The following TBX5 variants were observed in gnomAD, a reference collection of about 807,000 sequenced individuals.
The protein encoded by TBX5 is T-box transcription factor TBX5.
In TBX5, 8 loss-of-function variants were observed where a neutral mutation model predicts 51.1. That is an observed-to-expected ratio of 0.16 (90% CI 0.09 to 0.28). The LOEUF is 0.28. TBX5 is among the 10% of genes least tolerant of loss of function. The pLI, the probability that TBX5 is intolerant of heterozygous loss-of-function variation, is 1.00. For synonymous variants in TBX5, 302 were observed against 266.4 expected (o/e 1.13, Z -1.30); for missense variants, 589 against 671.7 (o/e 0.88, Z 1.36).
chr12:114,405,952 C>T lies in TBX5; in HGVS notation c.-363G>A, dbSNP rs757482684. ...AGTGCCCCGCTCCTCCTTTACACCCCCAGGGAGGGAAAGTTGGAAGCCCAG... is the reference window on the plus strand; with the variant it reads ...AGTGCCCCGCTCCTCCTTTACACCCTCAGGGAGGGAAAGTTGGAAGCCCAG... On this transcript the variant is annotated 5_prime_UTR_variant, in exon 1 of 9. Coordinates refer to ENST00000405440, the MANE Select transcript of TBX5 (RefSeq NM_181486.4). 7.0e-5 allele frequency: 69 copies of T among 985,342 alleles called. No homozygotes were observed. The highest frequency in any genetic ancestry group is 1.0e-3 in the Middle Eastern group (2 of 1,938). The allele number at this position is 985,342 out of a possible 1,614,324, so 61.0% of individuals were successfully genotyped here. A position where few individuals can be genotyped will look rare whatever the true frequency, so the allele number is the denominator to read the frequency against.
intron 7 of TBX5, among the ~76,000 whole-genome samples, chr12:114,379,183 T>C (rs1309666760): frequency 6.6e-6 from 1 of 152,196 alleles, no homozygotes; most frequent in Non-Finnish European, 1.5e-5. Flanking sequence ...AGCTGAGTCC[T>C]TCCAAATAGC....
intron 7 of TBX5, among the ~76,000 whole-genome samples, chr12:114,381,116 T>C (rs1870482148): frequency 6.6e-6 from 1 of 152,208 alleles, no homozygotes; most frequent in African/African-American, 2.4e-5. Flanking sequence ...GAAGACATCA[T>C]CTGCGTTTTC....
chr12:114,391,531 T>C (rs976946307), intron 6 of TBX5, among the ~76,000 whole-genome samples: 11 of 152,228 alleles, frequency 7.2e-5, no homozygotes, highest in Non-Finnish European at 1.2e-4. Flanking sequence ...AATTATCTCA[T>C]TGAATCTTCA....
In TBX5 at chr12:114,355,985, G is replaced by A; in HGVS notation, c.1104C>T (p.Tyr368=). Residue 368 remains tyrosine, a synonymous_variant, in exon 9 of 9, where the codon TAC becomes TAT. Transcript: ENST00000405440. Reference sequence around the variant, plus strand: ...CTTGCCGCTGTGCCGACTCTGTCCTGTAGGAGGCACCCAGGCCCTGCTGCT... The same window carrying A: ...CTTGCCGCTGTGCCGACTCTGTCCTATAGGAGGCACCCAGGCCCTGCTGCT... ...YPQQQGLGAS[Y]RTESAQRQAC... is the part of the protein sequence containing the mutation. The A allele has an allele frequency of 3.1e-6, 5 of 1,614,146 alleles. No individual in the cohort carries two copies. Among genetic ancestry groups the A allele is most frequent in the Non-Finnish European group, 3.4e-6 (4 of 1,180,038 alleles).
At chr12:114,403,085 C>T (rs1871931321) in intron 2 of TBX5, among the ~76,000 whole-genome samples, 1 of 152,250 alleles carries the variant, frequency 6.6e-6, no homozygotes, top group Non-Finnish European at 1.5e-5. Flanking sequence ...GTTTTGGGCG[C>T]AGAGCGCAAG....
intron 4 of TBX5, among the ~76,000 whole-genome samples, chr12:114,399,284 C>T (rs1037953879): frequency 1.3e-5 from 2 of 152,178 alleles, no homozygotes; most frequent in Admixed American, 6.5e-5. Context: ...ACACAGGCAC[C>T]TCACTTCCTC....
chr12:114,391,051 C>T (rs866296946), intron 6 of TBX5, among the ~76,000 whole-genome samples: 4 of 152,194 alleles, frequency 2.6e-5, no homozygotes, highest in Non-Finnish European at 4.4e-5. Context: ...ACCATGTAGC[C>T]TACCTACCTC....
chr12:114,400,361 G>A (rs1371436504), intron 3 of TBX5, among the ~76,000 whole-genome samples: 1 of 152,216 alleles, frequency 6.6e-6, no homozygotes, highest in Non-Finnish European at 1.5e-5. Flanking sequence ...AGAAAAAGCT[G>A]AGGCCTGAAC....
Position 114,402,280 on chromosome 12 carries a change from C to CAAA in TBX5, c.148-363_148-361dup, listed in dbSNP as rs113276288. The stretch of plus-strand genomic sequence containing the variant: ...GAAAAAACCAACCAAACAAACAAAC[C>CAAA]AAAAAAAAAAAACCAGAGCCAATTT... On this transcript the variant is annotated intron_variant, in intron 2 of 8. Coordinates refer to ENST00000405440, the MANE Select transcript of TBX5 (RefSeq NM_181486.4). Among the ~76,000 whole-genome samples, 251 of 147,930 alleles carry CAAA rather than the reference C, an allele frequency of 1.7e-3. 1 individual carries two copies. Among genetic ancestry groups the CAAA allele is most frequent in the African/African-American group, 6.0e-3 (243 of 40,346 alleles).
At position 114,354,777 on chromosome 12, in the gene TBX5, A is replaced by ATCTTATTC. The variant is rs1483109365; in HGVS notation, c.*754_*755insGAATAAGA. ...AGACAGCTGGAAAGACAGAGCTGGC[A>ATCTTATTC]AGATGGTAGGGCTGAATAAGATAGG... On this transcript the variant is annotated 3_prime_UTR_variant, in exon 9 of 9. Transcript: ENST00000405440. 10 of 152,866 alleles carry ATCTTATTC rather than the reference A, an allele frequency of 6.5e-5. No individual in the cohort carries two copies. The East Asian group carries it at 1.7e-3, about 27-fold the overall frequency. The allele number at this position is 152,866 out of a possible 1,614,324, so 9.5% of individuals were successfully genotyped here. A position where few individuals can be genotyped will look rare whatever the true frequency, so the allele number is the denominator to read the frequency against.
At chr12:114,368,429 C>T (rs112074428) in intron 7 of TBX5, among the ~76,000 whole-genome samples, 2,982 of 152,212 alleles carry the variant, frequency 0.02, 88 homozygotes, top group African/African-American at 0.067. Context: ...CTACACGTAA[C>T]GCATTTTGAA....
At chr12:114,392,994 CA>C (rs1402775146) in intron 6 of TBX5, among the ~76,000 whole-genome samples, 1 of 152,184 alleles carries the variant, frequency 6.6e-6, no homozygotes, top group East Asian at 1.9e-4. Flanking sequence ...GGTTCCCAGA[CA>C]GGCTTTGTGG....
chr12:114,380,466 C>G (rs1435790751), intron 7 of TBX5, among the ~76,000 whole-genome samples: 1 of 152,196 alleles, frequency 6.6e-6, no homozygotes, highest in Non-Finnish European at 1.5e-5. Context: ...ACTCCCCTCC[C>G]TTCCTTGCTT....
chr12:114,386,424 G>C (rs1485713361), intron 6 of TBX5, among the ~76,000 whole-genome samples: 1 of 152,164 alleles, frequency 6.6e-6, no homozygotes, highest in African/African-American at 2.4e-5. Context: ...AATTTTCATA[G>C]AGAACATAGA....
At chr12:114,371,587 GTTT>G (rs57151200) in intron 7 of TBX5, among the ~76,000 whole-genome samples, 7 of 121,678 alleles carry the variant, frequency 5.8e-5, no homozygotes, top group Non-Finnish European at 5.2e-5. Flanking sequence ...AGATTTTTGT[GTTT>G]TTTTTTTTTT....
At chr12:114,397,518 T>C (rs567862099) in intron 5 of TBX5, among the ~76,000 whole-genome samples, 1 of 152,320 alleles carries the variant, frequency 6.6e-6, no homozygotes, top group African/African-American at 2.4e-5. Context: ...TACGATGAGA[T>C]TTGGGGACAT....
chr12:114,366,013 G>T, intron 8 of TBX5, 152 bp downstream of exon 8: 2 of 935,798 alleles, frequency 2.1e-6, no homozygotes, highest in African/African-American at 1.6e-5. Context: ...TAGCTGTTTG[G>T]TTTAAATTTC....
chr12:114,401,986 T>TC, intron 2 of TBX5, 66 bp from the exon 3 acceptor site: 1 of 1,406,150 alleles, frequency 7.1e-7, no homozygotes, highest in Non-Finnish European at 1.0e-6. Context: ...TTCCCCAAAC[T>TC]CCCCCAAAAC....
At position 114,399,590 on chromosome 12, in the gene TBX5, A is replaced by T; in HGVS notation, c.285T>A (p.Asn95Lys). 6.2e-7 allele frequency: 1 copy of T among 1,614,046 alleles called. No homozygotes were observed. The highest frequency in any genetic ancestry group is 8.5e-7 in the Non-Finnish European group (1 of 1,180,022). Residue 95 changes from asparagine to lysine, a missense_variant, in exon 4 of 9, where the codon AAT (asparagine) becomes AAA (lysine). Physicochemically the swap from Asn to Lys is moderately conservative, Grantham distance 94 (BLOSUM62 0). Around this residue, in one of 7 missense-constraint regions of TBX5, gnomAD observed 85 missense variants for 95.6 expected, o/e 0.89. Coordinates refer to ENST00000405440, the MANE Select transcript of TBX5 (RefSeq NM_181486.4). ...TGAGAAGAATGTACTTCGTTTTGGG[A>T]TTAAGGCCCGTCACCTTCACTTTGT... Reference protein sequence around the residue: ...PSYKVKVTGLNPKTKYILLMD... With the variant: ...PSYKVKVTGLKPKTKYILLMD...
Sources: allele counts gnomAD v4.1 joint callset (sites outside exome capture counted in the v4.1 genomes callset), GRCh38; gene constraint gnomAD v4.1.1; regional missense constraint gnomAD v4.1.1; transcripts MANE v1.5; gene names NCBI Gene and HGNC (gene_info 2026-07-23, HGNC 2026-07-21).